The following CLASP1 variants were observed in gnomAD, a reference collection of about 807,000 sequenced individuals.
The protein encoded by CLASP1 is cytoplasmic linker associated protein 1.
A neutral mutation model predicts 192.3 loss-of-function variants in CLASP1; 38 were observed. The ratio of observed to expected loss-of-function variants is 0.20; its 90% CI spans 0.15 to 0.26. The LOEUF is 0.26. CLASP1 is among the 10% of genes least tolerant of loss of function. The probability of loss-of-function intolerance (pLI) is 1.00; values close to 1 mark genes in which losing one functional copy is unlikely to be tolerated. For synonymous variants in CLASP1, 691 were observed against 712.8 expected, an observed-to-expected ratio of 0.97 and a Z score of 0.49; for missense variants, 1,433 against 1,932.5, an observed-to-expected ratio of 0.74 and a Z score of 4.85.
chr2:121,621,383 C>T (rs1363751960), intron 1 of CLASP1, among the ~76,000 whole-genome samples: 6 of 152,124 alleles, frequency 3.9e-5, no homozygotes, highest in Admixed American at 3.9e-4. Context: ...GATCCTCCCA[C>T]CTTGGCCTCC....
chr2:121,437,479 C>A (rs2082504809), intron 19 of CLASP1, among the ~76,000 whole-genome samples: 1 of 152,128 alleles, frequency 6.6e-6, no homozygotes, highest in Non-Finnish European at 1.5e-5. Context: ...CAAAGAAGAT[C>A]TCTGATTTTG....
At chr2:121,621,112 G>A (rs370796444) in intron 1 of CLASP1, among the ~76,000 whole-genome samples, 2 of 152,008 alleles carry the variant, frequency 1.3e-5, no homozygotes, top group East Asian at 1.9e-4. Context: ...CCAGCCACTC[G>A]GGAGGCTAAA....
In CLASP1 at chr2:121,447,321, A is replaced by G. The variant is rs1224882400; in HGVS notation, c.1912+16T>C. ...AGAGCAGTGCAGGAGGGAAAGGGTG[A>G]CAGGGGTGTGGTTACCTAAGGATGC... is the stretch of plus-strand genomic sequence containing the variant. On this transcript the variant is annotated intron_variant, in intron 19 of 39. Transcript: ENST00000263710. The G allele has an allele frequency of 6.3e-7, 1 of 1,583,494 alleles. No individual in the cohort carries two copies. The highest frequency in any genetic ancestry group is 1.2e-5 in the South Asian group (1 of 86,258).
intron 1 of CLASP1, among the ~76,000 whole-genome samples, chr2:121,631,158 CAAAAAAAAAAAAAAAA>C (rs869087192): frequency 1.5e-5 from 1 of 65,150 alleles, no homozygotes; most frequent in South Asian, 8.1e-4. Context: ...GACTCCAGCT[CAAAAAAAAAAAAAAAA>C]AAAAAAAAGA....
rs139347413 is a variant in CLASP1, at chr2:121,387,306, C to T, written c.3268-78G>A. ...TTCTATTCTTTCCTTGGTCTTTTAA[C>T]CCACATGTAAATAAATGGGTAGAAT... On this transcript the variant is annotated intron_variant, in intron 31 of 39. Coordinates refer to ENST00000263710, the Ensembl canonical transcript of CLASP1. 466 of 1,018,176 alleles carry T rather than the reference C, an allele frequency of 4.6e-4. 1 individual carries two copies. The African/African-American group carries it at 7.0e-3, about 15-fold the overall frequency. The allele number at this position is 1,018,176 out of a possible 1,614,324, so 63.1% of individuals were successfully genotyped here.
chr2:121,445,499 A>G (rs1405154528), intron 19 of CLASP1: 2 of 1,288,490 alleles, frequency 1.6e-6, no homozygotes, highest in Non-Finnish European at 2.0e-6. Context: ...TCTGGACTCT[A>G]GAAGTTTGGA....
chr2:121,635,173 C>T (rs375239640), intron 1 of CLASP1, among the ~76,000 whole-genome samples: 1 of 149,526 alleles, frequency 6.7e-6, no homozygotes, highest in Admixed American at 6.7e-5. Flanking sequence ...CACCACACTG[C>T]ACTCCAACAC....
chr2:121,592,328 C>T (rs1379030742), intron 2 of CLASP1, among the ~76,000 whole-genome samples: 1 of 152,204 alleles, frequency 6.6e-6, no homozygotes, highest in Non-Finnish European at 1.5e-5. Context: ...TCCATTTTTA[C>T]TTCAGGCTCA....
intron 2 of CLASP1, among the ~76,000 whole-genome samples, chr2:121,592,646 G>GTT (rs1553646369): frequency 6.6e-6 from 1 of 150,892 alleles, no homozygotes; most frequent in Non-Finnish European, 1.5e-5. Flanking sequence ...ATTAATAACT[G>GTT]TTTTTTTTTG....
At chr2:121,589,508 T>C (rs972369866) in intron 2 of CLASP1, among the ~76,000 whole-genome samples, 63 of 152,012 alleles carry the variant, frequency 4.1e-4, no homozygotes, top group East Asian at 1.9e-4. Context: ...TGCACGCCTG[T>C]AGTCTCAGCT....
At chr2:121,522,139 C>G (rs72969375) in intron 6 of CLASP1, among the ~76,000 whole-genome samples, 4 of 152,000 alleles carry the variant, frequency 2.6e-5, no homozygotes, top group African/African-American at 9.7e-5. Flanking sequence ...TGTGTGTGCG[C>G]GCACGTGTGC....
chr2:121,582,155 TAGAAAGAAAGA>T (rs1434441644), intron 2 of CLASP1, among the ~76,000 whole-genome samples: 1 of 145,320 alleles, frequency 6.9e-6, no homozygotes, highest in African/African-American at 2.6e-5. Flanking sequence ...AGATAATCTG[TAGAAAGAAAGA>T]AGAAAGGAAG....
At chr2:121,514,713 T>C (rs745972337) in intron 7 of CLASP1, among the ~76,000 whole-genome samples, 1 of 152,218 alleles carries the variant, frequency 6.6e-6, no homozygotes, top group African/African-American at 2.4e-5. Context: ...ACTGCCGTCA[T>C]GTTTGCCTTA....
intron 14 of CLASP1, among the ~76,000 whole-genome samples, chr2:121,457,105 T>C (rs1171038643): frequency 6.6e-6 from 1 of 152,188 alleles, no homozygotes; most frequent in Non-Finnish European, 1.5e-5. Context: ...ACATATAAGA[T>C]AGGGACTTGG....
At chr2:121,441,853 T>C (rs533561205) in intron 19 of CLASP1, among the ~76,000 whole-genome samples, 3 of 152,220 alleles carry the variant, frequency 2.0e-5, no homozygotes, top group African/African-American at 7.2e-5. Flanking sequence ...AAAAGGACAA[T>C]TACCTAAAAT....
chr2:121,642,117 TA>T (rs201953989), intron 1 of CLASP1, among the ~76,000 whole-genome samples: 61 of 144,156 alleles, frequency 4.2e-4, no homozygotes, highest in Middle Eastern at 3.5e-3. Context: ...TTACATATAA[TA>T]AAAAAAAAAA....
At chr2:121,427,493 CAGA>C (rs574750898) in intron 20 of CLASP1, 63 bp from the exon 21 acceptor site, 37 of 1,553,024 alleles carry the variant, frequency 2.4e-5, no homozygotes, top group Non-Finnish European at 3.2e-5. Context: ...TAACACAATA[CAGA>C]AGGTCAGCAT....
intron 37 of CLASP1, 52 bp from the exon 39 acceptor site, chr2:121,348,770 A>G (rs561069566): frequency 1.4e-6 from 2 of 1,449,930 alleles, no homozygotes; most frequent in South Asian, 2.8e-5. Context: ...ACATGAAGCG[A>G]AAGACCAAAC....
rs1020072103 is a variant in CLASP1 at position 121,451,919 on chromosome 2, TAA to T, written c.1386-72_1386-71del. ...GTGAAAATGAAAACGGCATTTTTCT[TAA>T]GTGACCCAATACTATTTTTTATAAT... is the stretch of plus-strand genomic sequence containing the variant. On this transcript the variant is annotated intron_variant, in intron 14 of 39. Transcript: ENST00000263710. 8 of 1,024,168 alleles carry T rather than the reference TAA, an allele frequency of 7.8e-6. No homozygotes were observed. In the African/African-American group the frequency reaches 1.3e-4, roughly 16 times the overall value. 63.4% of individuals were successfully genotyped at this position (1,024,168 alleles called of 1,614,324 possible).
Sources: gnomAD v4.1 joint callset for allele counts (sites outside exome capture counted in the v4.1 genomes callset) on GRCh38, gnomAD v4.1.1 for gene constraint, MANE v1.5 for transcripts, NCBI Gene and HGNC (gene_info 2026-07-23, HGNC 2026-07-21) for gene names.